The following ROBO1 variants were observed in gnomAD, a reference collection of about 807,000 sequenced individuals.
The protein encoded by ROBO1 is roundabout guidance receptor 1, also known as roundabout homolog 1.
A neutral mutation model predicts 195.9 loss-of-function variants in ROBO1; 149 were observed. That is an observed-to-expected ratio of 0.76 (90% CI 0.67 to 0.87). ROBO1 has a LOEUF of 0.87. ROBO1 is among the 40% of genes least tolerant of loss of function. ROBO1 has a pLI of 0.00. For missense variants in ROBO1, 1,933 were observed against 2,068.3 expected, an observed-to-expected ratio of 0.93 and a Z score of 1.27; for synonymous variants, 816 against 733.2, an observed-to-expected ratio of 1.11 and a Z score of -1.82.
chr3:79,692,597 AT>A (rs1415441483), intron 1 of ROBO1, among the ~76,000 whole-genome samples: 2 of 151,800 alleles, frequency 1.3e-5, no homozygotes, highest in Admixed American at 6.6e-5. Flanking sequence ...GATCTCACGG[AT>A]AGTGGGTTCT....
intron 2 of ROBO1, among the ~76,000 whole-genome samples, chr3:79,399,377 A>G (rs2037277764): frequency 6.6e-6 from 1 of 152,142 alleles, no homozygotes; most frequent in Non-Finnish European, 1.5e-5. Flanking sequence ...CTTCTGAACA[A>G]GCTGACTTCT....
chr3:79,069,398 C>T (rs2079051956), intron 3 of ROBO1, among the ~76,000 whole-genome samples: 1 of 151,852 alleles, frequency 6.6e-6, no homozygotes, highest in Non-Finnish European at 1.5e-5. Context: ...TATTTATTCA[C>T]CTGGACATGG....
intron 2 of ROBO1, among the ~76,000 whole-genome samples, chr3:79,186,775 C>T (rs913887948): frequency 6.6e-6 from 1 of 152,034 alleles, no homozygotes; most frequent in Non-Finnish European, 1.5e-5. Flanking sequence ...CTCTCTCATT[C>T]TGGGTTTCTG....
intron 2 of ROBO1, among the ~76,000 whole-genome samples, chr3:79,193,613 A>G (rs1308156125): frequency 6.9e-6 from 1 of 145,338 alleles, no homozygotes; most frequent in African/African-American, 2.5e-5. Context: ...TTGTATCAGA[A>G]AAGTAGAAAT....
intron 3 of ROBO1, among the ~76,000 whole-genome samples, chr3:79,123,090 A>G (rs530414140): frequency 3.3e-5 from 5 of 152,134 alleles, no homozygotes; most frequent in African/African-American, 9.6e-5. Flanking sequence ...ATTGCATTGC[A>G]CATTCTCTAA....
At chr3:79,035,423 T>C (rs927721951) in intron 3 of ROBO1, among the ~76,000 whole-genome samples, 1 of 152,052 alleles carries the variant, frequency 6.6e-6, no homozygotes, top group African/African-American at 2.4e-5. Flanking sequence ...ACGATATCCA[T>C]GAAAGAATAA....
At chr3:79,408,434 G>T (rs2037636343) in intron 2 of ROBO1, among the ~76,000 whole-genome samples, 1 of 151,864 alleles carries the variant, frequency 6.6e-6, no homozygotes, top group African/African-American at 2.4e-5. Context: ...GTTGGGGAAA[G>T]AAACAATAAC....
At chr3:79,422,230 A>C in intron 2 of ROBO1, among the ~76,000 whole-genome samples, 1 of 149,634 alleles carries the variant, frequency 6.7e-6, no homozygotes, top group Middle Eastern at 3.5e-3. Context: ...GTATCATTAT[A>C]TATTGTAAAT....
intron 29 of ROBO1, among the ~76,000 whole-genome samples, chr3:78,601,840 T>G (rs1245256718): frequency 6.6e-6 from 1 of 152,170 alleles, no homozygotes; most frequent in South Asian, 2.1e-4. Flanking sequence ...CTTACTGCTC[T>G]TAATCAATGC....
At chr3:79,183,080 C>CAAAAAAAAAAAAAAAAAAAAAAAAA (rs1304597488) in intron 2 of ROBO1, among the ~76,000 whole-genome samples, 3 of 64,824 alleles carry the variant, frequency 4.6e-5, no homozygotes, top group African/African-American at 1.6e-4. Flanking sequence ...GACTCCAACT[C>CAAAAAAAAAAAAAAAAAAAAAAAAA]AAAAAAAAAA....
At chr3:78,773,228 C>A (rs1274916097) in intron 4 of ROBO1, among the ~76,000 whole-genome samples, 3 of 151,896 alleles carry the variant, frequency 2.0e-5, no homozygotes, top group Admixed American at 2.0e-4. Flanking sequence ...AAGAGATATA[C>A]AGGTACAAAA....
At chr3:79,471,004 A>C (rs1938242456) in intron 2 of ROBO1, among the ~76,000 whole-genome samples, 1 of 152,150 alleles carries the variant, frequency 6.6e-6, no homozygotes, top group Admixed American at 6.6e-5. Flanking sequence ...GTAGAGTGGA[A>C]TCAGCAGCCA....
chr3:79,424,126 G>A (rs912802392), intron 2 of ROBO1, among the ~76,000 whole-genome samples: 8 of 151,958 alleles, frequency 5.3e-5, no homozygotes, highest in Non-Finnish European at 1.0e-4. Flanking sequence ...GTAAAGATAC[G>A]GTGCCTGAAT....
At chr3:79,613,486 C>T (rs1315093549) in intron 1 of ROBO1, among the ~76,000 whole-genome samples, 1 of 151,726 alleles carries the variant, frequency 6.6e-6, no homozygotes, top group African/African-American at 2.4e-5. Flanking sequence ...GAATAAGGGA[C>T]AAAAGCTATA....
intron 5 of ROBO1, among the ~76,000 whole-genome samples, chr3:78,738,723 A>G (rs540814993): frequency 2.0e-5 from 3 of 152,144 alleles, no homozygotes; most frequent in Non-Finnish European, 2.9e-5. Flanking sequence ...TTCCTAGGTA[A>G]GGTAAAAATC....
At chr3:79,070,281 A>G (rs1369796691) in intron 3 of ROBO1, among the ~76,000 whole-genome samples, 3 of 151,884 alleles carry the variant, frequency 2.0e-5, no homozygotes, top group Non-Finnish European at 2.9e-5. Context: ...TATTGGATAT[A>G]CAATATTTAC....
At chr3:79,185,958 T>C (rs1299448117) in intron 2 of ROBO1, among the ~76,000 whole-genome samples, 1 of 152,156 alleles carries the variant, frequency 6.6e-6, no homozygotes, top group African/African-American at 2.4e-5. Context: ...CCAAGTTTCA[T>C]TAAACATTAC....
At chr3:78,995,316 C>T (rs1320357044) in intron 3 of ROBO1, among the ~76,000 whole-genome samples, 1 of 152,110 alleles carries the variant, frequency 6.6e-6, no homozygotes, top group Non-Finnish European at 1.5e-5. Flanking sequence ...TATCTTATCA[C>T]TCATGGTGCC....
rs368427468 is a variant in ROBO1 at position 78,598,860 on chromosome 3, G to A, written c.*53C>T. 4 of 1,291,684 alleles carry A rather than the reference G, an allele frequency of 3.1e-6. No individual in the cohort carries two copies. The highest frequency in any genetic ancestry group is 4.3e-6 in the Non-Finnish European group (4 of 922,574). 80.0% of individuals were successfully genotyped at this position (1,291,684 alleles called of 1,614,324 possible). On this transcript the variant is annotated 3_prime_UTR_variant, in exon 31 of 31. Coordinates refer to ENST00000464233, the MANE Select transcript of ROBO1 (RefSeq NM_002941.4). ...TGGCGTCATGTGTCATCTGACAGGAGGCATCTTGAGTGATGATTTTCACAT... is the reference window on the plus strand; with the variant it reads ...TGGCGTCATGTGTCATCTGACAGGAAGCATCTTGAGTGATGATTTTCACAT...
Sources: gnomAD v4.1 joint callset for allele counts (sites outside exome capture counted in the v4.1 genomes callset) on GRCh38, gnomAD v4.1.1 for gene constraint, MANE v1.5 for transcripts, NCBI Gene and HGNC (gene_info 2026-07-23, HGNC 2026-07-21) for gene names.